The following FBXO17 variants were observed in gnomAD, a reference collection of about 807,000 sequenced individuals.
The protein encoded by FBXO17 is F-box protein 17.
A neutral mutation model predicts 34.1 loss-of-function variants in FBXO17; 43 were observed. That is an observed-to-expected ratio of 1.26 (90% CI 0.99 to 1.62). The LOEUF (loss-of-function observed/expected upper bound fraction) is 1.62. Among genes scored for constraint, FBXO17 ranks in the 40% most tolerant of loss-of-function variants. The pLI, the probability that FBXO17 is intolerant of heterozygous loss-of-function variation, is 0.00. For synonymous variants in FBXO17, 169 were observed against 166.0 expected, an observed-to-expected ratio of 1.02 and a Z score of -0.14; for missense variants, 424 against 386.7, an observed-to-expected ratio of 1.10 and a Z score of -0.81.
chr19:38,958,824 G>C (rs1346738672), intron 1 of FBXO17, among the ~76,000 whole-genome samples: 1 of 152,148 alleles, frequency 6.6e-6, no homozygotes, highest in Non-Finnish European at 1.5e-5. Context: ...CCTCCCCTGG[G>C]CACGTGCAGG....
At chr19:38,973,927 G>A (rs1975423149) in intron 1 of FBXO17, among the ~76,000 whole-genome samples, 1 of 151,138 alleles carries the variant, frequency 6.6e-6, no homozygotes, top group African/African-American at 2.4e-5. Context: ...AGGCTGCAGT[G>A]AGCCATGATT....
intron 1 of FBXO17, among the ~76,000 whole-genome samples, chr19:38,951,974 C>A (rs7246128): frequency 6.7e-6 from 1 of 149,048 alleles, no homozygotes; most frequent in Non-Finnish European, 1.5e-5. Context: ...TTTCTGAAAC[C>A]GAGTCTTACT....
At chr19:38,954,173 G>C (rs1975128120) in intron 1 of FBXO17, among the ~76,000 whole-genome samples, 1 of 152,054 alleles carries the variant, frequency 6.6e-6, no homozygotes, top group Admixed American at 6.6e-5. Context: ...AGCTGTGTGG[G>C]TGCAGGCACG....
intron 1 of FBXO17, among the ~76,000 whole-genome samples, chr19:38,969,318 G>T (rs748499420): frequency 2.0e-5 from 3 of 151,380 alleles, no homozygotes; most frequent in Non-Finnish European, 2.9e-5. Context: ...TGGCGTGTGT[G>T]TGTAGTCCCA....
At position 38,949,777 on chromosome 19, in the gene FBXO17, C is replaced by A. The variant is rs549825114; in HGVS notation, c.349+194G>T. ...TCCTGCCTTGCCCCGCCCACTCGTTCGGATTCCCGGCTTCACCTTCTCCAG... is the reference window on the plus strand; with the variant it reads ...TCCTGCCTTGCCCCGCCCACTCGTTAGGATTCCCGGCTTCACCTTCTCCAG... On this transcript the variant is annotated intron_variant, in intron 2 of 5. Transcript: ENST00000292852. 20 of 688,796 alleles carry A rather than the reference C, an allele frequency of 2.9e-5. No homozygotes were observed. The African/African-American group carries it at 3.8e-4, about 13-fold the overall frequency. The allele number at this position is 688,796 out of a possible 1,614,324, so 42.7% of individuals were successfully genotyped here. A position where few individuals can be genotyped will look rare whatever the true frequency, so the allele number is the denominator to read the frequency against.
intron 1 of FBXO17, among the ~76,000 whole-genome samples, chr19:38,961,115 TA>T (rs1477351231): frequency 6.6e-6 from 1 of 151,832 alleles, no homozygotes; most frequent in Non-Finnish European, 1.5e-5. Context: ...GCCCAGATAA[TA>T]TACTTTCATC....
Position 38,972,498 on chromosome 19 carries a change from T to C in FBXO17, c.-18+3088A>G, listed in dbSNP as rs563274489. 6.9e-3 allele frequency among the ~76,000 whole-genome samples: 1,045 copies of C among 151,824 alleles called. 14 individuals are homozygous for C. Among genetic ancestry groups the C allele is most frequent in the Non-Finnish European group, 8.5e-3 (578 of 67,918 alleles). On this transcript the variant is annotated intron_variant, in intron 1 of 5. Coordinates refer to ENST00000292852, the MANE Select transcript of FBXO17 (RefSeq NM_024907.7). ...AGGTCAAGGTTGCAGTGAGCTGTGATTGTGCCACTGCACTGCAGCCTGGGC... is the reference window on the plus strand; with the variant it reads ...AGGTCAAGGTTGCAGTGAGCTGTGACTGTGCCACTGCACTGCAGCCTGGGC...
At chr19:38,974,198 C>T (rs757996191) in intron 1 of FBXO17, among the ~76,000 whole-genome samples, 1 of 151,354 alleles carries the variant, frequency 6.6e-6, no homozygotes, top group Non-Finnish European at 1.5e-5. Context: ...TCTCCTTCCT[C>T]AGCCTCCTGA....
rs1975448330 is a variant in FBXO17, at chr19:38,975,431, G to A, written c.-18+155C>T. Among the ~76,000 whole-genome samples the A allele has an allele frequency of 6.6e-6, 1 of 152,196 alleles. No homozygotes were observed. The highest frequency in any genetic ancestry group is 1.5e-5 in the Non-Finnish European group (1 of 68,024). On this transcript the variant is annotated intron_variant, in intron 1 of 5. Transcript: ENST00000292852. This position sits in a 1 kb window ranked among gnomAD's most constrained non-coding sequence, Gnocchi z 4.9. ...GGAGCCTCAGGCCGAGGGAGGGCCCGGGAAAGCGACGCTGCGGGTTATGGG... is the reference window on the plus strand; with the variant it reads ...GGAGCCTCAGGCCGAGGGAGGGCCCAGGAAAGCGACGCTGCGGGTTATGGG...
At chr19:38,950,375 C>T in intron 1 of FBXO17, 39 bp from the exon 2 acceptor site, 1 of 1,391,678 alleles carries the variant, frequency 7.2e-7, no homozygotes. Context: ...GTCAGCGCAG[C>T]CAGGCCACCC....
intron 1 of FBXO17, among the ~76,000 whole-genome samples, chr19:38,954,914 T>C (rs1324732080): frequency 1.1e-4 from 9 of 80,464 alleles, no homozygotes; most frequent in African/African-American, 3.7e-4. Context: ...ATTATTATTA[T>C]TATTATTATT....
At chr19:38,951,714 G>A (rs1259062783) in intron 1 of FBXO17, among the ~76,000 whole-genome samples, 3 of 140,732 alleles carry the variant, frequency 2.1e-5, no homozygotes, top group African/African-American at 5.4e-5. Flanking sequence ...GCAGTGGCCC[G>A]TCTCGGCTCA....
intron 1 of FBXO17, among the ~76,000 whole-genome samples, chr19:38,974,238 C>T (rs75630379): frequency 0.059 from 9,021 of 151,626 alleles, 360 homozygotes; most frequent in East Asian, 0.2. Flanking sequence ...CCTACCACCA[C>T]GCCTGGCTAA....
At chr19:38,955,950 G>T (rs1260109650) in intron 1 of FBXO17, among the ~76,000 whole-genome samples, 1 of 151,994 alleles carries the variant, frequency 6.6e-6, no homozygotes, top group Non-Finnish European at 1.5e-5. Context: ...GCCCCTGTAG[G>T]CTCCTAAATA....
At chr19:38,974,085 G>GTT (rs1268917360) in intron 1 of FBXO17, among the ~76,000 whole-genome samples, 2 of 124,546 alleles carry the variant, frequency 1.6e-5, no homozygotes, top group Non-Finnish European at 3.5e-5. Flanking sequence ...TACATATATA[G>GTT]TTTTTTTTTT....
chr19:38,949,950 G>C (rs1335940511), intron 2 of FBXO17, 21 bp downstream of exon 2: 2 of 1,509,920 alleles, frequency 1.3e-6, no homozygotes, highest in East Asian at 2.5e-5. Flanking sequence ...CAGCCTCCTG[G>C]GCCCCGCCCC....
At chr19:38,959,932 C>A (rs1257276605) in intron 1 of FBXO17, among the ~76,000 whole-genome samples, 1 of 151,840 alleles carries the variant, frequency 6.6e-6, no homozygotes, top group African/African-American at 2.4e-5. Context: ...CCACCACTAC[C>A]AAAACAGAAC....
At chr19:38,966,117 G>A (rs1425284176) in intron 1 of FBXO17, among the ~76,000 whole-genome samples, 4 of 151,186 alleles carry the variant, frequency 2.6e-5, no homozygotes, top group Admixed American at 6.6e-5. Context: ...CTACAGGTGC[G>A]CACTACCACG....
chr19:38,954,899 TTATTATTATTATTATTA>T (rs1975142980), intron 1 of FBXO17, among the ~76,000 whole-genome samples: 5 of 9,316 alleles, frequency 5.4e-4, no homozygotes, highest in Admixed American at 2.6e-3. Context: ...TGTTATTTTA[TTATTATTATTATTATTA>T]TTATTATTAT....
Sources: allele counts gnomAD v4.1 joint callset (sites outside exome capture counted in the v4.1 genomes callset), GRCh38; gene constraint gnomAD v4.1.1; non-coding constraint Gnocchi (gnomAD v3.1); transcripts MANE v1.5; gene names NCBI Gene and HGNC (gene_info 2026-07-23, HGNC 2026-07-21).